KLHL28: variants seen among roughly 807,000 people sequenced by gnomAD.
KLHL28 encodes the protein kelch-like protein 28.
In KLHL28, 22 loss-of-function variants were observed where a neutral mutation model predicts 48.3. The observed-to-expected ratio is 0.46, with a 90% CI of 0.33 to 0.65. The LOEUF is 0.65. Among genes scored for constraint, KLHL28 ranks in the 30% least tolerant of loss-of-function variants. KLHL28 has a pLI of 0.03. For missense variants in KLHL28, 527 were observed against 704.3 expected (o/e 0.75, Z 2.85); for synonymous variants, 243 against 242.4 (o/e 1.00, Z -0.02).
chr14:44,935,107 T>C (rs939068657), intron 2 of KLHL28, among the ~76,000 whole-genome samples: 1 of 152,182 alleles, frequency 6.6e-6, no homozygotes, highest in African/African-American at 2.4e-5. Context: ...AATGGATAAA[T>C]TGTGCCATAT....
intron 2 of KLHL28, among the ~76,000 whole-genome samples, chr14:44,938,472 C>T (rs938860444): frequency 6.6e-6 from 1 of 151,928 alleles, no homozygotes; most frequent in African/African-American, 2.4e-5. Flanking sequence ...CCCGGGTTCA[C>T]ACCATTCTCC....
intron 1 of KLHL28, among the ~76,000 whole-genome samples, chr14:44,946,979 G>C (rs1389582129): frequency 6.6e-6 from 1 of 152,122 alleles, no homozygotes; most frequent in Non-Finnish European, 1.5e-5. Flanking sequence ...AGAAAGTGGA[G>C]AGACAATAAA....
chr14:44,942,573 T>A (rs1357349876), intron 2 of KLHL28, among the ~76,000 whole-genome samples: 1 of 152,174 alleles, frequency 6.6e-6, no homozygotes, highest in Non-Finnish European at 1.5e-5. Flanking sequence ...ATAACTTCTT[T>A]GACTTGGTTC....
intron 1 of KLHL28, among the ~76,000 whole-genome samples, chr14:44,948,136 A>G (rs1884415329): frequency 6.6e-6 from 1 of 152,194 alleles, no homozygotes; most frequent in Non-Finnish European, 1.5e-5. Context: ...AAGTAGATAG[A>G]AAAAATAGGT....
At chr14:44,949,569 T>C (rs1260016771) in intron 1 of KLHL28, among the ~76,000 whole-genome samples, 1 of 152,092 alleles carries the variant, frequency 6.6e-6, no homozygotes, top group Admixed American at 6.5e-5. Context: ...TCTAGTGGTA[T>C]TCTGTAAGGC....
chr14:44,960,944 A>T, intron 1 of KLHL28: 1 of 1,513,650 alleles, frequency 6.6e-7, no homozygotes, highest in Non-Finnish European at 9.0e-7. Context: ...TGGGTCTTCA[A>T]ATGATAACTT....
chr14:44,945,018 C>T lies in KLHL28; in HGVS notation c.899+12G>A. 6.5e-7 allele frequency: 1 copy of T among 1,536,818 alleles called. No individual in the cohort carries two copies. Among genetic ancestry groups the T allele is most frequent in the Admixed American group, 1.9e-5 (1 of 52,366 alleles). Reference sequence around the variant, plus strand: ...AATTAGCATCATTCATTTAGGAAAGCCTTCTATTTACCTATCCAAACAGGC... The same window carrying T: ...AATTAGCATCATTCATTTAGGAAAGTCTTCTATTTACCTATCCAAACAGGC... On this transcript the variant is annotated intron_variant, in intron 2 of 4. Transcript: ENST00000396128.
At chr14:44,939,254 C>A (rs951570034) in intron 2 of KLHL28, among the ~76,000 whole-genome samples, 8 of 152,142 alleles carry the variant, frequency 5.3e-5, no homozygotes, top group Non-Finnish European at 1.2e-4. Context: ...CCATTCTGCC[C>A]TCCTAGTGTT....
At chr14:44,939,613 G>C (rs1447384872) in intron 2 of KLHL28, among the ~76,000 whole-genome samples, 2 of 152,150 alleles carry the variant, frequency 1.3e-5, no homozygotes, top group Non-Finnish European at 2.9e-5. Flanking sequence ...ATGCAATTCA[G>C]CAAGGGTCTT....
intron 2 of KLHL28, among the ~76,000 whole-genome samples, chr14:44,941,576 C>T (rs1312857062): frequency 6.8e-6 from 1 of 146,778 alleles, no homozygotes; most frequent in Non-Finnish European, 1.5e-5. Context: ...TGCGGTGAGC[C>T]GAGATTGCGC....
chr14:44,949,157 A>C (rs933923432), intron 1 of KLHL28, among the ~76,000 whole-genome samples: 6 of 152,152 alleles, frequency 3.9e-5, no homozygotes, highest in African/African-American at 9.6e-5. Context: ...CACAGGACTG[A>C]AGACTATTTT....
chr14:44,934,028 C>A, intron 3 of KLHL28, 87 bp downstream of exon 3: 1 of 1,072,332 alleles, frequency 9.3e-7, no homozygotes, highest in Admixed American at 2.7e-5. Flanking sequence ...CATTCATACA[C>A]ACAAATTGTT....
At chr14:44,953,144 G>C (rs560972893) in intron 1 of KLHL28, among the ~76,000 whole-genome samples, 62 of 152,264 alleles carry the variant, frequency 4.1e-4, no homozygotes, top group African/African-American at 1.4e-3. Flanking sequence ...TATAAAAGTA[G>C]ATCATTTAGA....
chr14:44,954,700 G>A (rs1884723807), intron 1 of KLHL28, among the ~76,000 whole-genome samples: 2 of 152,132 alleles, frequency 1.3e-5, no homozygotes, highest in Non-Finnish European at 2.9e-5. Flanking sequence ...AGGAGGTATG[G>A]AACTAAAAAC....
In KLHL28 at chr14:44,931,389, T is replaced by TA; in HGVS notation, c.1495dup (p.Tyr499LeufsTer12). 6.2e-7 allele frequency: 1 copy of TA among 1,614,072 alleles called. No individual in the cohort carries two copies. Among genetic ancestry groups the TA allele is most frequent in the African/African-American group, 1.3e-5 (1 of 75,036 alleles). On this transcript the variant is annotated frameshift_variant, in exon 4 of 5. Transcript: ENST00000396128. LOFTEE classifies it high-confidence loss of function. ...AGTCCACTGATTTTGATGAGGATCGTATCTTTCAATGCTGGACAAATGTGA... is the reference window on the plus strand; with the variant it reads ...AGTCCACTGATTTTGATGAGGATCGTAATCTTTCAATGCTGGACAAATGTGA...
At chr14:44,934,829 T>C (rs1180967288) in intron 2 of KLHL28, among the ~76,000 whole-genome samples, 2 of 152,226 alleles carry the variant, frequency 1.3e-5, no homozygotes, top group African/African-American at 4.8e-5. Context: ...TGAAGATACA[T>C]GTGTCCTGAC....
chr14:44,941,628 C>CAAAAAAAA, intron 2 of KLHL28, among the ~76,000 whole-genome samples: 1 of 81,100 alleles, frequency 1.2e-5, no homozygotes, highest in East Asian at 3.7e-4. Flanking sequence ...AACTCTGTCT[C>CAAAAAAAA]AAAAAAAAAA....
At chr14:44,960,946 TG>T in intron 1 of KLHL28, 1 of 1,511,160 alleles carries the variant, frequency 6.6e-7, no homozygotes, top group Non-Finnish European at 9.0e-7. Context: ...GGTCTTCAAA[TG>T]ATAACTTAGA....
chr14:44,929,560 G>C (rs1474164759), intron 4 of KLHL28, among the ~76,000 whole-genome samples: 3 of 152,090 alleles, frequency 2.0e-5, no homozygotes, highest in African/African-American at 7.2e-5. Context: ...TATATGTATA[G>C]GAAAAAATAT....
Sources: gnomAD v4.1 joint callset for allele counts (sites outside exome capture counted in the v4.1 genomes callset) on GRCh38, gnomAD v4.1.1 for gene constraint, MANE v1.5 for transcripts, NCBI Gene and HGNC (gene_info 2026-07-23, HGNC 2026-07-21) for gene names.